The following EXOC6B variants were observed in gnomAD, a reference collection of about 807,000 sequenced individuals.
EXOC6B encodes SEC15 homolog B.
EXOC6B carries 54 observed loss-of-function variants against 113.5 expected under a neutral mutation model. The observed-to-expected ratio is 0.48, with a 90% CI of 0.38 to 0.60. The LOEUF is 0.60. EXOC6B is among the 20% of genes least tolerant of loss of function. The pLI, the probability that EXOC6B is intolerant of heterozygous loss-of-function variation, is 0.00. For synonymous variants in EXOC6B, 357 were observed against 339.0 expected, an observed-to-expected ratio of 1.05 and a Z score of -0.58; for missense variants, 797 against 977.5, an observed-to-expected ratio of 0.82 and a Z score of 2.46.
At chr2:72,411,136 G>A (rs954314329) in intron 18 of EXOC6B, among the ~76,000 whole-genome samples, 5 of 152,124 alleles carry the variant, frequency 3.3e-5, no homozygotes, top group African/African-American at 9.7e-5. Flanking sequence ...TCTTGAGCTC[G>A]AAGAGGTCAA....
At chr2:72,632,418 T>A (rs1041731058) in intron 6 of EXOC6B, among the ~76,000 whole-genome samples, 1 of 152,216 alleles carries the variant, frequency 6.6e-6, no homozygotes, top group African/African-American at 2.4e-5. Flanking sequence ...GTGTCTATAT[T>A]CTTTAATCCA....
At chr2:72,184,891 A>G (rs1245926313) in intron 20 of EXOC6B, among the ~76,000 whole-genome samples, 1 of 152,228 alleles carries the variant, frequency 6.6e-6, no homozygotes, top group Non-Finnish European at 1.5e-5. Flanking sequence ...GAGGACACAG[A>G]GTCTAGCTAG....
intron 20 of EXOC6B, among the ~76,000 whole-genome samples, chr2:72,330,640 C>G (rs1688368720): frequency 6.6e-6 from 1 of 152,012 alleles, no homozygotes. Context: ...TTCACGGCCT[C>G]TTTTTGCACT....
At chr2:72,741,961 C>T (rs1294000751) in intron 1 of EXOC6B, among the ~76,000 whole-genome samples, 1 of 152,216 alleles carries the variant, frequency 6.6e-6, no homozygotes, top group East Asian at 1.9e-4. Flanking sequence ...CCAGAAAAAT[C>T]ACTTTGTATT....
chr2:72,532,610 C>A (rs1276080952), intron 8 of EXOC6B, among the ~76,000 whole-genome samples: 1 of 151,996 alleles, frequency 6.6e-6, no homozygotes, highest in Non-Finnish European at 1.5e-5. Flanking sequence ...GAGTTCGAGA[C>A]CAGCCTGACC....
intron 18 of EXOC6B, among the ~76,000 whole-genome samples, chr2:72,444,844 G>A (rs1056427125): frequency 6.6e-6 from 1 of 152,190 alleles, no homozygotes; most frequent in African/African-American, 2.4e-5. Flanking sequence ...CCAGGCCCAT[G>A]ATGGGAGGGG....
intron 6 of EXOC6B, among the ~76,000 whole-genome samples, chr2:72,636,373 C>CAAGGAAGG (rs1159127871): frequency 2.3e-5 from 2 of 86,416 alleles, no homozygotes; most frequent in Admixed American, 1.3e-4. Context: ...AGGAAGGAAG[C>CAAGGAAGG]AAGGAAGCAA....
At chr2:72,390,412 C>T (rs1047393441) in intron 18 of EXOC6B, among the ~76,000 whole-genome samples, 1 of 152,270 alleles carries the variant, frequency 6.6e-6, no homozygotes, top group South Asian at 2.1e-4. Context: ...TTTATATGGA[C>T]TGATTTTCTT....
At chr2:72,682,772 C>A (rs1676802558) in intron 6 of EXOC6B, among the ~76,000 whole-genome samples, 1 of 152,106 alleles carries the variant, frequency 6.6e-6, no homozygotes, top group African/African-American at 2.4e-5. Flanking sequence ...ATTCCACATA[C>A]AAAGTAGAAA....
At chr2:72,257,203 T>C (rs1446661358) in intron 20 of EXOC6B, among the ~76,000 whole-genome samples, 1 of 152,174 alleles carries the variant, frequency 6.6e-6, no homozygotes, top group Non-Finnish European at 1.5e-5. Flanking sequence ...ATTTGCCACA[T>C]CTGAGAATAA....
chr2:72,316,593 G>T (rs528326674), intron 20 of EXOC6B, among the ~76,000 whole-genome samples: 1 of 152,202 alleles, frequency 6.6e-6, no homozygotes, highest in Non-Finnish European at 1.5e-5. Context: ...TTCAATCTAG[G>T]TCCATTTACT....
At chr2:72,655,657 G>A (rs1674522883) in intron 6 of EXOC6B, among the ~76,000 whole-genome samples, 1 of 151,872 alleles carries the variant, frequency 6.6e-6, no homozygotes, top group Non-Finnish European at 1.5e-5. Context: ...TAAAAATAGA[G>A]AAACTCCAGT....
intron 20 of EXOC6B, among the ~76,000 whole-genome samples, chr2:72,295,229 C>CA (rs547104239): frequency 0.015 from 1,171 of 78,604 alleles, 14 homozygotes; most frequent in East Asian, 0.055. Context: ...GACTCCATCT[C>CA]AAAAAAAAAA....
At chr2:72,499,868 C>T in intron 12 of EXOC6B, 33 bp downstream of exon 12, 2 of 1,439,300 alleles carry the variant, frequency 1.4e-6, no homozygotes, top group Non-Finnish European at 1.9e-6. Flanking sequence ...TAATACCAAT[C>T]TAGATGAGCA....
chr2:72,180,703 T>G (rs941667028), intron 21 of EXOC6B, among the ~76,000 whole-genome samples: 4 of 152,144 alleles, frequency 2.6e-5, no homozygotes, highest in Non-Finnish European at 4.4e-5. Context: ...CTGCACCATT[T>G]TCTCCCCCAC....
At chr2:72,538,215 TG>T (rs2105780339) in intron 8 of EXOC6B, among the ~76,000 whole-genome samples, 1 of 152,152 alleles carries the variant, frequency 6.6e-6, no homozygotes, top group African/African-American at 2.4e-5. Context: ...CTCCTGCCTT[TG>T]CCTCCCAAAG....
chr2:72,199,194 A>C (rs1298747069), intron 20 of EXOC6B, among the ~76,000 whole-genome samples: 5 of 152,180 alleles, frequency 3.3e-5, no homozygotes, highest in Non-Finnish European at 5.9e-5. Flanking sequence ...ACACCACGGA[A>C]GATTGGAAAT....
chr2:72,288,663 A>T (rs1685589954), intron 20 of EXOC6B: 1 of 151,228 alleles, frequency 6.6e-6, no homozygotes, highest in Admixed American at 6.6e-5. Flanking sequence ...AAAGTACAAA[A>T]CTGGCCAACT....
In EXOC6B at chr2:72,514,638, C is replaced by A; in HGVS notation, c.1042G>T (p.Val348Leu). 2 of 1,048,166 alleles carry A rather than the reference C, an allele frequency of 1.9e-6. No individual in the cohort carries two copies. The highest frequency in any genetic ancestry group is 1.3e-6 in the Non-Finnish European group (1 of 740,996). 64.9% of individuals were successfully genotyped at this position (1,048,166 alleles called of 1,614,324 possible). A position where few individuals can be genotyped will look rare whatever the true frequency, so the allele number is the denominator to read the frequency against. The change falls in exon 10 of 22, where the codon GTA (valine) becomes TTA (leucine). Residue 348 changes from valine to leucine, a missense_variant. Transcript: ENST00000272427. Reference sequence around the variant, plus strand: ...TATATATATATATATACCTACCCTACAATTTGATTAAAATACTTCCTGTAG... The same window carrying A: ...TATATATATATATATACCTACCCTAAAATTTGATTAAAATACTTCCTGTAG... ...DGYRKYFNQI[V>L]GFFVVEDHIL...
Sources: gnomAD v4.1 joint callset for allele counts (sites outside exome capture counted in the v4.1 genomes callset) on GRCh38, gnomAD v4.1.1 for gene constraint, MANE v1.5 for transcripts, NCBI Gene and HGNC (gene_info 2026-07-23, HGNC 2026-07-21) for gene names.